RNASET2: variants seen among roughly 807,000 people sequenced by gnomAD.
RNASET2 encodes the protein ribonuclease 6.
In RNASET2, 28 loss-of-function variants were observed where a neutral mutation model predicts 33.9. The observed-to-expected ratio is 0.83, with a 90% CI of 0.61 to 1.13. The LOEUF (loss-of-function observed/expected upper bound fraction) is 1.13. RNASET2 is among the 50% of genes most tolerant of loss of function. The pLI, the probability that RNASET2 is intolerant of heterozygous loss-of-function variation, is 0.00. For synonymous variants in RNASET2, 123 were observed against 121.0 expected (o/e 1.02, Z -0.11); for missense variants, 330 against 319.9 (o/e 1.03, Z -0.24).
rs1333147474 is a variant in RNASET2 at position 166,927,665 on chromosome 6, T to A, written c.*1923A>T. ...TCAAATTCACCAGCTCCTCTGGGAA[T>A]AATGAAGATAAAACCCAAGCCTTGA... is the stretch of plus-strand genomic sequence containing the variant. On this transcript the variant is annotated 3_prime_UTR_variant, in exon 9 of 9. Transcript: ENST00000508775. Among the ~76,000 whole-genome samples, 2 of 90,990 alleles carry A rather than the reference T, an allele frequency of 2.2e-5. No homozygotes were observed. Among genetic ancestry groups the A allele is most frequent in the Non-Finnish European group, 4.2e-5 (2 of 47,352 alleles). 59.7% of individuals were successfully genotyped at this position (90,990 alleles called of 152,430 possible).
intron 2 of RNASET2, among the ~76,000 whole-genome samples, chr6:166,949,955 C>T (rs1778943128): frequency 6.6e-6 from 1 of 152,242 alleles, no homozygotes; most frequent in Non-Finnish European, 1.5e-5. Context: ...TCAAACAGAA[C>T]CCTTCACCAT....
rs1250695549 is a variant in RNASET2, at chr6:166,926,544, AAAAAG to A, written c.*3039_*3043del. ...GTGAGACTCAGTCTCAAAAAAAAAA[AAAAAG>A]AAAAGAAAAGAAAAGATATCTAGTT... On this transcript the variant is annotated 3_prime_UTR_variant, in exon 9 of 9. Transcript: ENST00000508775. 2.6e-5 allele frequency among the ~76,000 whole-genome samples: 4 copies of A among 151,278 alleles called. No individual in the cohort carries two copies. Among genetic ancestry groups the A allele is most frequent in the African/African-American group, 7.3e-5 (3 of 41,158 alleles).
intron 8 of RNASET2, among the ~76,000 whole-genome samples, chr6:166,930,467 A>T (rs1245758415): frequency 1.4e-5 from 2 of 145,156 alleles, no homozygotes; most frequent in African/African-American, 5.4e-5. Context: ...ACATGCATGT[A>T]CACACACACA....
rs1193700885 is a variant in RNASET2 at position 166,923,815 on chromosome 6, G to C, written c.*5773C>G. Among the ~76,000 whole-genome samples the C allele has an allele frequency of 6.6e-5, 10 of 152,230 alleles. No homozygotes were observed. In the East Asian group the frequency reaches 1.9e-3, roughly 29 times the overall value. ...ACTTCATATCTGTGATTGTATCCTG[G>C]TAATTTCATTTCAGGAGCTAGAGCT... On this transcript the variant is annotated 3_prime_UTR_variant, in exon 9 of 9. Transcript: ENST00000508775.
intron 2 of RNASET2, among the ~76,000 whole-genome samples, chr6:166,950,637 G>A (rs1374908538): frequency 6.6e-6 from 1 of 152,230 alleles, no homozygotes; most frequent in African/African-American, 2.4e-5. Context: ...ACCGAGCAGG[G>A]TACGCCCTGA....
At chr6:166,953,879 C>CAAAAGAA (rs1779045169) in intron 1 of RNASET2, among the ~76,000 whole-genome samples, 1 of 110,738 alleles carries the variant, frequency 9.0e-6, no homozygotes, top group Non-Finnish European at 1.9e-5. Flanking sequence ...GACCCTGTCT[C>CAAAAGAA]AAAAAAAAAA....
At position 166,927,023 on chromosome 6, in the gene RNASET2, C is replaced by A. The variant is rs142686371; in HGVS notation, c.*2565G>T. On this transcript the variant is annotated 3_prime_UTR_variant, in exon 9 of 9. Transcript: ENST00000508775. The stretch of plus-strand genomic sequence containing the variant: ...TGGCCTGCTCCTCCTTCCACACATA[C>A]GAGCCTGAGACCCCGCTCACATGGG... Among the ~76,000 whole-genome samples, 3 of 152,178 alleles carry A rather than the reference C, an allele frequency of 2.0e-5. No individual in the cohort carries two copies. The highest frequency in any genetic ancestry group is 2.9e-5 in the Non-Finnish European group (2 of 68,026).
chr6:166,938,731 C>T (rs1421867234), intron 6 of RNASET2, 164 bp downstream of exon 6: 2 of 772,762 alleles, frequency 2.6e-6, no homozygotes, highest in African/African-American at 1.7e-5. Flanking sequence ...GCTTGGTAGG[C>T]TCAGAACATT....
At position 166,948,499 on chromosome 6, in the gene RNASET2, A is replaced by C. The variant is rs1300746536; in HGVS notation, c.203+71T>G. ...ATAAAAAACAAGAATAAATATTAAG[A>C]CCACATTCAAGCTAGGGTTCCCAGT... is the stretch of plus-strand genomic sequence containing the variant. On this transcript the variant is annotated intron_variant, in intron 3 of 8. Transcript: ENST00000508775. 7.9e-6 allele frequency: 7 copies of C among 890,220 alleles called. No homozygotes were observed. The East Asian group carries it at 1.7e-4, about 21-fold the overall frequency. The allele number at this position is 890,220 out of a possible 1,614,324, so 55.1% of individuals were successfully genotyped here.
At chr6:166,942,741 C>T (rs963342212) in intron 5 of RNASET2, among the ~76,000 whole-genome samples, 3 of 151,950 alleles carry the variant, frequency 2.0e-5, no homozygotes, top group South Asian at 2.1e-4. Context: ...TGTGACTGGC[C>T]GAGAAAAGTT....
Position 166,929,304 on chromosome 6 carries a change from A to G in RNASET2, c.*284T>C, listed in dbSNP as rs1778362427. Among the ~76,000 whole-genome samples, 1 of 152,056 alleles carries G rather than the reference A, an allele frequency of 6.6e-6. No homozygotes were observed. The highest frequency in any genetic ancestry group is 1.5e-5 in the Non-Finnish European group (1 of 68,012). On this transcript the variant is annotated 3_prime_UTR_variant, in exon 9 of 9. Coordinates refer to ENST00000508775, the MANE Select transcript of RNASET2 (RefSeq NM_003730.6). Reference sequence around the variant, plus strand: ...GGTGCCATCTGTCTAAATTCCAAGTATGCCTGCCTGATCTACCAGGGCACT... The same window carrying G: ...GGTGCCATCTGTCTAAATTCCAAGTGTGCCTGCCTGATCTACCAGGGCACT...
chr6:166,955,381 GCA>G lies in RNASET2; in HGVS notation c.86+714_86+715del, dbSNP rs199506216. Reference sequence around the variant, plus strand: ...CACACACGCACACACAAACGCACACGCACACACACACACGCGCACACACACAC... The same window carrying G: ...CACACACGCACACACAAACGCACACGCACACACACACGCGCACACACACAC... On this transcript the variant is annotated intron_variant, in intron 1 of 8. Transcript: ENST00000508775. 963 of 250,114 alleles carry G rather than the reference GCA, an allele frequency of 3.9e-3. 29 individuals are homozygous for G. Among genetic ancestry groups the G allele is most frequent in the Admixed American group, 0.016 (67 of 4,066 alleles). 15.5% of individuals were successfully genotyped at this position (250,114 alleles called of 1,614,324 possible).
intron 7 of RNASET2, chr6:166,931,911 G>T: frequency 1.3e-5 from 2 of 154,682 alleles, no homozygotes; most frequent in South Asian, 2.0e-4. Flanking sequence ...TGCCATTCCT[G>T]CCCCATCTCC....
At chr6:166,955,281 G>GC (rs1205834205) in intron 1 of RNASET2, among the ~76,000 whole-genome samples, 981 of 70,246 alleles carry the variant, frequency 0.014, 12 homozygotes, top group African/African-American at 0.033. Flanking sequence ...GCGCACACAC[G>GC]ACACACACGC....
At chr6:166,943,699 T>A (rs1778754171) in intron 4 of RNASET2, 1 of 465,488 alleles carries the variant, frequency 2.1e-6, no homozygotes, top group South Asian at 1.6e-5. Flanking sequence ...TAATAAAGTA[T>A]CAGTATCAGT....
chr6:166,930,875 C>T (rs1421316131), intron 8 of RNASET2, among the ~76,000 whole-genome samples, 169 bp downstream of exon 8: 2 of 151,780 alleles, frequency 1.3e-5, no homozygotes, highest in South Asian at 2.1e-4. Flanking sequence ...CACATGCACA[C>T]ATGCATGTAC....
Position 166,956,270 on chromosome 6 carries a change from G to T in RNASET2, c.-88C>A. 2 of 1,278,948 alleles carry T rather than the reference G, an allele frequency of 1.6e-6. No homozygotes were observed. The highest frequency in any genetic ancestry group is 2.2e-6 in the Non-Finnish European group (2 of 901,962). 79.2% of individuals were successfully genotyped at this position (1,278,948 alleles called of 1,614,324 possible). Reference sequence around the variant, plus strand: ...CCCGAGGAAGACTTCCGGGAGAAACGCTGTCTCCGAGCCCCCGCGCCGCCG... The same window carrying T: ...CCCGAGGAAGACTTCCGGGAGAAACTCTGTCTCCGAGCCCCCGCGCCGCCG... On this transcript the variant is annotated 5_prime_UTR_variant, in exon 1 of 9. Coordinates refer to ENST00000508775, the MANE Select transcript of RNASET2 (RefSeq NM_003730.6).
intron 6 of RNASET2, 95 bp downstream of exon 6, chr6:166,938,800 G>A (rs1178786125): frequency 1.2e-6 from 1 of 847,592 alleles, no homozygotes; most frequent in Admixed American, 1.7e-5. Flanking sequence ...GGAGGGCAGT[G>A]AGGTCTACAC....
chr6:166,934,444 T>A lies in RNASET2; in HGVS notation c.447-308A>T, dbSNP rs898588276. On this transcript the variant is annotated intron_variant, in intron 6 of 8. Coordinates refer to ENST00000508775, the MANE Select transcript of RNASET2 (RefSeq NM_003730.6). ...GCTGGCACACACATCACCACCCGTT[T>A]GCCACACCTGCTTTAAAAGACAGCA... 3.1e-4 allele frequency: 107 copies of A among 349,590 alleles called. 1 individual carries two copies. Among genetic ancestry groups the A allele is most frequent in the Admixed American group, 3.0e-4 (7 of 23,100 alleles). The allele number at this position is 349,590 out of a possible 1,614,324, so 21.7% of individuals were successfully genotyped here.
Sources: allele counts gnomAD v4.1 joint callset (sites outside exome capture counted in the v4.1 genomes callset), GRCh38; gene constraint gnomAD v4.1.1; transcripts MANE v1.5; gene names NCBI Gene and HGNC (gene_info 2026-07-23, HGNC 2026-07-21).